DGLUCY: variants seen among roughly 807,000 people sequenced by gnomAD.
DGLUCY encodes D-glutamate cyclase, mitochondrial.
DGLUCY carries 58 observed loss-of-function variants against 58.5 expected under a neutral mutation model. The ratio of observed to expected loss-of-function variants is 0.99; its 90% CI spans 0.80 to 1.23. The LOEUF is 1.23. Among genes scored for constraint, DGLUCY ranks in the 50% most tolerant of loss-of-function variants. The probability of loss-of-function intolerance (pLI) is 0.00; values close to 1 mark genes in which losing one functional copy is unlikely to be tolerated. For missense variants in DGLUCY, 779 were observed against 784.7 expected, an observed-to-expected ratio of 0.99 and a Z score of 0.09; for synonymous variants, 325 against 314.1, an observed-to-expected ratio of 1.03 and a Z score of -0.37.
intron 1 of DGLUCY, among the ~76,000 whole-genome samples, chr14:91,068,079 G>GTGCACA (rs1555387695): frequency 1.4e-5 from 2 of 146,436 alleles, no homozygotes; most frequent in South Asian, 2.2e-4. Flanking sequence ...ACACGCGCAC[G>GTGCACA]CACACACACA....
intron 8 of DGLUCY, among the ~76,000 whole-genome samples, chr14:91,188,469 A>G (rs895086608): frequency 1.3e-5 from 2 of 152,202 alleles, no homozygotes; most frequent in Admixed American, 1.3e-4. Context: ...ACAGCCCTCA[A>G]AAAAACAAAG....
intron 1 of DGLUCY, among the ~76,000 whole-genome samples, chr14:91,152,216 C>G (rs2047375061): frequency 6.6e-6 from 1 of 151,924 alleles, no homozygotes; most frequent in Non-Finnish European, 1.5e-5. Context: ...ATAGTGAGAC[C>G]CCCATCTTTA....
At chr14:91,106,699 T>A (rs1566942719), upstream of DGLUCY, among the ~76,000 whole-genome samples, 2 of 88,390 alleles carry the variant, frequency 2.3e-5, no homozygotes, top group Non-Finnish European at 4.9e-5. Context: ...AAAGCGAGAC[T>A]CTGTCTCAAA....
chr14:91,199,506 G>T (rs2050421041), intron 10 of DGLUCY, among the ~76,000 whole-genome samples: 1 of 151,946 alleles, frequency 6.6e-6, no homozygotes, highest in South Asian at 2.1e-4. Context: ...ACCTGCTTCG[G>T]CCTCCCAAAC....
chr14:91,184,785 G>T (rs531334593), intron 8 of DGLUCY, among the ~76,000 whole-genome samples: 1 of 152,206 alleles, frequency 6.6e-6, no homozygotes, highest in East Asian at 1.9e-4. Flanking sequence ...ACTGGACATA[G>T]CTCTTTGCCT....
At chr14:91,095,675 A>T (rs2044382320) in intron 1 of DGLUCY, among the ~76,000 whole-genome samples, 1 of 152,166 alleles carries the variant, frequency 6.6e-6, no homozygotes, top group African/African-American at 2.4e-5. Context: ...ATAGTGTGGG[A>T]TGGGAAGAGA....
intron 13 of DGLUCY, among the ~76,000 whole-genome samples, chr14:91,217,413 T>TGCCAGTGG (rs1567016629): frequency 6.6e-6 from 1 of 151,394 alleles, no homozygotes; most frequent in Non-Finnish European, 1.5e-5. Flanking sequence ...ACAAGTCCCC[T>TGCCAGTGG]GCCAGTGGGC....
At chr14:91,201,023 AG>A (rs1441713013) in intron 11 of DGLUCY, among the ~76,000 whole-genome samples, 1 of 152,016 alleles carries the variant, frequency 6.6e-6, no homozygotes, top group Non-Finnish European at 1.5e-5. Context: ...TACCTTCTCA[AG>A]GGTGGGGAGG....
At chr14:91,136,975 A>C (rs553755346) in intron 1 of DGLUCY, among the ~76,000 whole-genome samples, 1 of 152,218 alleles carries the variant, frequency 6.6e-6, no homozygotes, top group Admixed American at 6.5e-5. Context: ...GTCTCAAAAA[A>C]AAAAAATGCA....
rs1246651465 is a variant in DGLUCY at position 91,199,864 on chromosome 14, T to G, written c.1403T>G (p.Leu468Arg). Residue 468 changes from leucine (L) to arginine (R), a missense_variant, in exon 11 of 14, where the codon CTT becomes CGT. By Grantham distance (102) the Leu-to-Arg change is moderately radical (BLOSUM62 -2). Coordinates refer to ENST00000256324, the MANE Select transcript of DGLUCY (RefSeq NM_001102368.3). ...IKHLVDPIDD[L>R]FLAAKKIPGI... ...CACTTGGTTGACCCCATTGACGATC[T>G]TTTTCTTGCTGCGAAGAAGATTCCT... The G allele has an allele frequency of 6.2e-7, 1 of 1,614,032 alleles. No homozygotes were observed. The highest frequency in any genetic ancestry group is 1.3e-5 in the African/African-American group (1 of 74,912).
At chr14:91,112,052 G>A (rs945452058), upstream of DGLUCY, among the ~76,000 whole-genome samples, 1 of 151,430 alleles carries the variant, frequency 6.6e-6, no homozygotes, top group African/African-American at 2.4e-5. Context: ...AGCCTGACCA[G>A]CGTGGAGCAA....
At chr14:91,209,174 A>T (rs1297554524) in intron 12 of DGLUCY, among the ~76,000 whole-genome samples, 3 of 152,054 alleles carry the variant, frequency 2.0e-5, no homozygotes, top group Admixed American at 6.6e-5. Context: ...TTAGCAGGAG[A>T]ATCACTTGAA....
chr14:91,160,315 G>C lies in DGLUCY; in HGVS notation c.21G>C (p.Leu7=). ...ACACGATGCCCTTCACACTCCACCT[G>C]AGGTCCCGCCTTCCCTCTGCCATAA... MPFTLH[L]RSRLPSAIRS... The change falls in exon 3 of 14, where the codon CTG becomes CTC. Residue 7 remains leucine, a synonymous_variant. Coordinates refer to ENST00000256324, the MANE Select transcript of DGLUCY (RefSeq NM_001102368.3). 1 of 1,611,230 alleles carries C rather than the reference G, an allele frequency of 6.2e-7. No individual in the cohort carries two copies. Among genetic ancestry groups the C allele is most frequent in the Non-Finnish European group, 8.5e-7 (1 of 1,178,982 alleles).
chr14:91,167,737 A>G (rs934997073), intron 4 of DGLUCY: 4 of 686,022 alleles, frequency 5.8e-6, no homozygotes, highest in Non-Finnish European at 1.1e-5. Context: ...AGAGACAGAG[A>G]TATTGTGTCT....
intron 3 of DGLUCY, among the ~76,000 whole-genome samples, chr14:91,163,076 G>A (rs1446941338): frequency 2.0e-5 from 3 of 152,046 alleles, no homozygotes; most frequent in Non-Finnish European, 4.4e-5. Context: ...TGCCCAACAT[G>A]GTGAAACCCT....
At chr14:91,116,164 G>A (rs1274055184) in intron 1 of DGLUCY, among the ~76,000 whole-genome samples, 1 of 152,096 alleles carries the variant, frequency 6.6e-6, no homozygotes, top group Non-Finnish European at 1.5e-5. Context: ...AGTTGCTAGA[G>A]GGTATTTGCA....
intron 1 of DGLUCY, among the ~76,000 whole-genome samples, chr14:91,064,622 C>CAA (rs35830145): frequency 0.015 from 877 of 57,304 alleles, 7 homozygotes; most frequent in Admixed American, 0.018. Context: ...GACTCTGTCT[C>CAA]AAAAAAAAAA....
chr14:91,219,370 A>G (rs979288467), intron 13 of DGLUCY, among the ~76,000 whole-genome samples: 1 of 152,206 alleles, frequency 6.6e-6, no homozygotes, highest in African/African-American at 2.4e-5. Flanking sequence ...CAGAACCCAC[A>G]TAAGCAAAGG....
intron 1 of DGLUCY, among the ~76,000 whole-genome samples, chr14:91,099,660 C>T (rs1273400053): frequency 1.3e-5 from 2 of 152,058 alleles, no homozygotes. Context: ...TCTGGGTATC[C>T]CCACCAACCC....
Sources: gnomAD v4.1 joint callset for allele counts (sites outside exome capture counted in the v4.1 genomes callset) on GRCh38, gnomAD v4.1.1 for gene constraint, MANE v1.5 for transcripts, NCBI Gene and HGNC (gene_info 2026-07-23, HGNC 2026-07-21) for gene names.